The following CDK1 variants were observed in gnomAD, a reference collection of about 807,000 sequenced individuals.
CDK1 encodes cyclin dependent kinase 1.
Under a neutral mutation model 34.6 loss-of-function variants are expected in CDK1, and 5 were observed. The ratio of observed to expected loss-of-function variants is 0.14; its 90% CI spans 0.08 to 0.30. The LOEUF (loss-of-function observed/expected upper bound fraction) is 0.30. Among genes scored for constraint, CDK1 ranks in the 10% least tolerant of loss-of-function variants. The pLI is 1.00. For synonymous variants in CDK1, 108 were observed against 114.7 expected (o/e 0.94, Z 0.37); for missense variants, 157 against 345.7 (o/e 0.45, Z 4.33).
At chr10:60,784,684 A>G (rs569797340) in intron 2 of CDK1, 21 bp from the exon 3 acceptor site, 21 of 1,593,424 alleles carry the variant, frequency 1.3e-5, no homozygotes, top group South Asian at 1.2e-4. Context: ...GTCACACAGC[A>G]TATTATTTAC....
At position 60,778,481 on chromosome 10, in the gene CDK1, C is replaced by G. The variant is rs899891830; in HGVS notation, c.-115C>G. 2 of 152,332 alleles carry G rather than the reference C, an allele frequency of 1.3e-5. No individual in the cohort carries two copies. Among genetic ancestry groups the G allele is most frequent in the Admixed American group, 6.5e-5 (1 of 15,290 alleles). 9.4% of individuals were successfully genotyped at this position (152,332 alleles called of 1,614,324 possible). The stretch of plus-strand genomic sequence containing the variant: ...CGCGGTGAGTTTGAAACTGCTCGCA[C>G]TTGGCTTCAAAGCTGGCTCTTGGAA... On this transcript the variant is annotated 5_prime_UTR_variant, in exon 1 of 8. Transcript: ENST00000395284.
intron 4 of CDK1, chr10:60,786,338 T>C: frequency 2.2e-6 from 2 of 913,804 alleles, no homozygotes; most frequent in South Asian, 1.0e-4. Context: ...AAAGATTTTT[T>C]TTTTTACACA....
intron 7 of CDK1, among the ~76,000 whole-genome samples, chr10:60,792,653 T>A (rs1306984406): frequency 6.6e-6 from 1 of 152,112 alleles, no homozygotes; most frequent in Non-Finnish European, 1.5e-5. Context: ...TTGGTTGATA[T>A]TTTAAATTAT....
intron 1 of CDK1, among the ~76,000 whole-genome samples, chr10:60,778,949 C>T (rs1483078630): frequency 1.3e-5 from 2 of 152,108 alleles, no homozygotes; most frequent in Non-Finnish European, 2.9e-5. Flanking sequence ...CTTTCCTGGG[C>T]CCGGCCCCTG....
At chr10:60,779,628 A>G (rs1306356943) in intron 1 of CDK1, among the ~76,000 whole-genome samples, 1 of 152,200 alleles carries the variant, frequency 6.6e-6, no homozygotes, top group Non-Finnish European at 1.5e-5. Context: ...GCAACTGTAA[A>G]CACTTAAAAT....
chr10:60,788,879 T>G (rs1481415355), intron 5 of CDK1, among the ~76,000 whole-genome samples: 1 of 152,132 alleles, frequency 6.6e-6, no homozygotes, highest in Non-Finnish European at 1.5e-5. Context: ...GCTCATCTGA[T>G]TAGATGTCTT....
chr10:60,785,653 T>A lies in CDK1; in HGVS notation c.195-11T>A. 1 of 1,546,444 alleles carries A rather than the reference T, an allele frequency of 6.5e-7. No individual in the cohort carries two copies. The highest frequency in any genetic ancestry group is 8.8e-7 in the Non-Finnish European group (1 of 1,133,548). Reference sequence around the variant, plus strand: ...TGCTGGATTCTTCTCTCATATATTTTTTTTCCCCAGTCTTCAGGATGTGCT... The same window carrying A: ...TGCTGGATTCTTCTCTCATATATTTATTTTCCCCAGTCTTCAGGATGTGCT... On this transcript the variant is annotated splice_polypyrimidine_tract_variant and intron_variant, in intron 3 of 7. Coordinates refer to ENST00000395284, the MANE Select transcript of CDK1 (RefSeq NM_001786.5).
At chr10:60,784,958 T>A in intron 3 of CDK1, 97 bp downstream of exon 3, 1 of 1,152,506 alleles carries the variant, frequency 8.7e-7, no homozygotes, top group Non-Finnish European at 1.3e-6. Context: ...TTTCTTGGTC[T>A]AGCCTTACTG....
intron 7 of CDK1, among the ~76,000 whole-genome samples, chr10:60,792,929 T>G (rs1249519847): frequency 6.6e-6 from 1 of 152,110 alleles, no homozygotes; most frequent in Non-Finnish European, 1.5e-5. Flanking sequence ...ATAACTTGTT[T>G]AGTGGCATGT....
At chr10:60,782,435 A>G (rs1489653123) in intron 2 of CDK1, among the ~76,000 whole-genome samples, 1 of 152,194 alleles carries the variant, frequency 6.6e-6, no homozygotes, top group Non-Finnish European at 1.5e-5. Flanking sequence ...CTTCTGAATT[A>G]CAGAAATCTG....
At chr10:60,786,145 G>A (rs980102003) in intron 4 of CDK1, 2 of 933,168 alleles carry the variant, frequency 2.1e-6, no homozygotes, top group African/African-American at 3.6e-5. Context: ...ACATGTTTTG[G>A]TCAATTTATT....
chr10:60,790,312 G>A (rs2080350567), intron 5 of CDK1, among the ~76,000 whole-genome samples: 1 of 152,094 alleles, frequency 6.6e-6, no homozygotes, highest in East Asian at 1.9e-4. Flanking sequence ...GGCGTGAACA[G>A]GGCTCACTGC....
intron 5 of CDK1, among the ~76,000 whole-genome samples, chr10:60,791,563 A>C (rs2132075065): frequency 6.6e-6 from 1 of 152,224 alleles, no homozygotes; most frequent in South Asian, 2.1e-4. Context: ...CAGTACCTGC[A>C]CTTTGTTCAG....
At chr10:60,779,605 A>C (rs947116139) in intron 1 of CDK1, among the ~76,000 whole-genome samples, 6 of 152,196 alleles carry the variant, frequency 3.9e-5, no homozygotes, top group African/African-American at 1.2e-4. Context: ...AAAAGATTAA[A>C]ATTGTCACGT....
chr10:60,784,025 T>C (rs957907794), intron 2 of CDK1, among the ~76,000 whole-genome samples: 1 of 152,234 alleles, frequency 6.6e-6, no homozygotes. Context: ...CTTTTATCAG[T>C]AATATTTCCT....
chr10:60,786,295 A>T (rs2080315329), intron 4 of CDK1: 1 of 979,642 alleles, frequency 1.0e-6, no homozygotes, highest in Non-Finnish European at 1.2e-6. Context: ...TTGTAATCTT[A>T]CACTTGTATG....
chr10:60,786,093 T>A, intron 4 of CDK1: 1 of 1,018,986 alleles, frequency 9.8e-7, no homozygotes, highest in Non-Finnish European at 1.2e-6. Context: ...AATGAAAGCC[T>A]AGGGCAGAGT....
At chr10:60,785,539 G>A in intron 3 of CDK1, 125 bp from the exon 4 acceptor site, 1 of 603,136 alleles carries the variant, frequency 1.7e-6, no homozygotes, top group Non-Finnish European at 2.9e-6. Context: ...TCTTCCATTA[G>A]GGAAGCTACT....
chr10:60,789,104 A>G (rs377481246), intron 5 of CDK1, among the ~76,000 whole-genome samples: 5 of 152,020 alleles, frequency 3.3e-5, no homozygotes, highest in Non-Finnish European at 7.4e-5. Flanking sequence ...TAATTTAAAA[A>G]TCATTTTTTA....
Sources: gnomAD v4.1 joint callset for allele counts (sites outside exome capture counted in the v4.1 genomes callset) on GRCh38, gnomAD v4.1.1 for gene constraint, MANE v1.5 for transcripts, NCBI Gene and HGNC (gene_info 2026-07-23, HGNC 2026-07-21) for gene names.